Variants in ATP11B observed in about 807,000 individuals in gnomAD.
ATP11B encodes the protein phospholipid-transporting ATPase IF.
Under a neutral mutation model 157.8 loss-of-function variants are expected in ATP11B, and 81 were observed. That is an observed-to-expected ratio of 0.51 (90% CI 0.43 to 0.62). ATP11B has a LOEUF of 0.62. Among genes scored for constraint, ATP11B ranks in the 20% least tolerant of loss-of-function variants. The probability of loss-of-function intolerance (pLI) is 0.00; values close to 1 mark genes in which losing one functional copy is unlikely to be tolerated. For synonymous variants in ATP11B, 451 were observed against 469.4 expected (o/e 0.96, Z 0.51); for missense variants, 1,165 against 1,402.2 (o/e 0.83, Z 2.70).
At chr3:182,809,823 ATTTC>A (rs1365107635) in intron 1 of ATP11B, among the ~76,000 whole-genome samples, 1 of 152,156 alleles carries the variant, frequency 6.6e-6, no homozygotes, top group East Asian at 1.9e-4. Flanking sequence ...TAAATCATGT[ATTTC>A]TTTCATCATC....
chr3:182,838,774 T>A (rs1158894940), intron 7 of ATP11B, among the ~76,000 whole-genome samples: 2 of 149,316 alleles, frequency 1.3e-5, no homozygotes, highest in African/African-American at 5.0e-5. Context: ...AACACATATA[T>A]GTGCTATATA....
Position 182,918,146 on chromosome 3 carries a change from C to T in ATP11B, c.*42C>T, listed in dbSNP as rs775313688. The T allele has an allele frequency of 3.1e-6, 5 of 1,608,918 alleles. No individual in the cohort carries two copies. In the East Asian group the frequency reaches 1.1e-4, roughly 36 times the overall value. ...TGTGGGAGCCAGTTCACCTCCTTTC[C>T]TAAAATTCAGTGTGATCACCCTGTT... On this transcript the variant is annotated 3_prime_UTR_variant, in exon 30 of 30. Coordinates refer to ENST00000323116, the MANE Select transcript of ATP11B (RefSeq NM_014616.3).
At position 182,879,540 on chromosome 3, in the gene ATP11B, G is replaced by A. The variant is rs1289147583; in HGVS notation, c.2297G>A (p.Gly766Glu). 6.2e-7 allele frequency: 1 copy of A among 1,613,270 alleles called. No homozygotes were observed. Among genetic ancestry groups the A allele is most frequent in the Non-Finnish European group, 8.5e-7 (1 of 1,179,676 alleles). ...ATTCAGCATGGGCTGGTAGTGGATG[G>A]GACCAGCCTATCTCTTGCACTCAGG... ...HVIQHGLVVD[G>E]TSLSLALREH... The change falls in exon 20 of 30, where the codon GGG (glycine) becomes GAG (glutamate). Residue 766 changes from glycine to glutamate, a missense_variant. Physicochemically the swap from Gly to Glu is moderately conservative, Grantham distance 98. Around this residue, in one of 4 missense-constraint regions of ATP11B, gnomAD observed 737 missense variants for 930.5 expected, o/e 0.79. Coordinates refer to ENST00000323116, the MANE Select transcript of ATP11B (RefSeq NM_014616.3).
At chr3:182,841,147 C>T (rs953979188) in intron 7 of ATP11B, among the ~76,000 whole-genome samples, 2 of 152,228 alleles carry the variant, frequency 1.3e-5, no homozygotes, top group Non-Finnish European at 2.9e-5. Flanking sequence ...GTAACACCTT[C>T]AAGTCTGCTT....
At chr3:182,917,999 AC>A in intron 29 of ATP11B, 23 bp from the exon 30 acceptor site, 2 of 1,610,996 alleles carry the variant, frequency 1.2e-6, no homozygotes, top group African/African-American at 2.7e-5. Context: ...GGTGAGCCAA[AC>A]TTTTCTCTTA....
intron 8 of ATP11B, chr3:182,844,001 A>G (rs963207470): frequency 7.2e-5 from 11 of 152,214 alleles, no homozygotes; most frequent in African/African-American, 2.7e-4. Flanking sequence ...AAATAGTGAG[A>G]AATGTGTGGA....
chr3:182,833,627 C>T (rs1444767750), intron 4 of ATP11B: 1 of 152,140 alleles, frequency 6.6e-6, no homozygotes, highest in East Asian at 1.9e-4. Flanking sequence ...CCACGCCCAG[C>T]TGATCTTAAT....
chr3:182,856,641 A>C (rs529529580), intron 10 of ATP11B, among the ~76,000 whole-genome samples: 6 of 152,178 alleles, frequency 3.9e-5, no homozygotes, highest in Non-Finnish European at 8.8e-5. Flanking sequence ...CTATAGGTGA[A>C]GTGCTGAATA....
At chr3:182,883,473 G>A (rs1722570372) in intron 21 of ATP11B, among the ~76,000 whole-genome samples, 1 of 151,506 alleles carries the variant, frequency 6.6e-6, no homozygotes, top group East Asian at 2.0e-4. Flanking sequence ...GGCCAGGCTT[G>A]TCTCGAACTC....
intron 21 of ATP11B, among the ~76,000 whole-genome samples, chr3:182,884,301 A>G (rs1041824688): frequency 6.6e-6 from 1 of 152,244 alleles, no homozygotes. Flanking sequence ...ACTTTGACTT[A>G]TTCATGGAAG....
Position 182,841,992 on chromosome 3 carries a change from A to T in ATP11B, c.657-83A>T, listed in dbSNP as rs1345016247. ...AGACTCGTCTCAAAAAAAAAAAAAA[A>T]AAAAACAAAGGATGGTGCAAAAAAA... On this transcript the variant is annotated intron_variant, in intron 7 of 29. Transcript: ENST00000323116. The T allele has an allele frequency of 3.3e-6, 3 of 904,284 alleles. No homozygotes were observed. The African/African-American group carries it at 5.1e-5, about 15-fold the overall frequency. 56.0% of individuals were successfully genotyped at this position (904,284 alleles called of 1,614,324 possible).
chr3:182,833,056 A>G (rs1488911973), intron 4 of ATP11B, among the ~76,000 whole-genome samples: 1 of 152,148 alleles, frequency 6.6e-6, no homozygotes, highest in African/African-American at 2.4e-5. Flanking sequence ...AATATTTAGA[A>G]AAAATAGTTG....
At chr3:182,844,030 T>C (rs1344020050) in intron 8 of ATP11B, 3 of 152,188 alleles carry the variant, frequency 2.0e-5, no homozygotes, top group Non-Finnish European at 4.4e-5. Context: ...CTGAGTTGCA[T>C]TAATATGTAA....
rs140010791 is a variant in ATP11B at position 182,873,993 on chromosome 3, C to G, written c.2230C>G (p.Gln744Glu). 133 of 1,613,936 alleles carry G rather than the reference C, an allele frequency of 8.2e-5. No homozygotes were observed. In the African/African-American group the frequency reaches 1.7e-3, roughly 20 times the overall value. ...GAAATCAGACAGCGAGTGTGCTGAACAATTGAGGCAGCTTGCCAGAAGGTA... is the reference window on the plus strand; with the variant it reads ...GAAATCAGACAGCGAGTGTGCTGAAGAATTGAGGCAGCTTGCCAGAAGGTA... ...NQKSDSECAE[Q>E]LRQLARRITE... is the part of the protein sequence containing the mutation. Residue 744 changes from glutamine (Q) to glutamate (E), a missense_variant, in exon 19 of 30, where the codon CAA (glutamine) becomes GAA (glutamate). Physicochemically the swap from Gln to Glu is conservative, Grantham distance 29. This residue lies in a region of ATP11B where 737 missense variants were observed against 930.5 expected (regional missense o/e 0.79). Coordinates refer to ENST00000323116, the MANE Select transcript of ATP11B (RefSeq NM_014616.3).
At chr3:182,806,780 A>G (rs563080455) in intron 1 of ATP11B, among the ~76,000 whole-genome samples, 11 of 152,224 alleles carry the variant, frequency 7.2e-5, no homozygotes, top group Non-Finnish European at 1.6e-4. Flanking sequence ...GGAGATCTTA[A>G]ACATACTTAT....
intron 25 of ATP11B, among the ~76,000 whole-genome samples, chr3:182,891,770 T>C (rs1577085878): frequency 6.6e-6 from 1 of 152,192 alleles, no homozygotes; most frequent in Non-Finnish European, 1.5e-5. Flanking sequence ...ATACTAGGTA[T>C]AGTAGCAAAG....
intron 23 of ATP11B, 134 bp from the exon 24 acceptor site, chr3:182,887,452 A>G: frequency 1.6e-6 from 1 of 609,296 alleles, no homozygotes; most frequent in South Asian, 2.7e-5. Flanking sequence ...GAATTATTTA[A>G]TTGGAGTTAC....
At position 182,919,800 on chromosome 3, in the gene ATP11B, ATTAAG is replaced by A. The variant is rs1725354405; in HGVS notation, c.*1700_*1704del. ...TTGTCTGTTCCAGTGATGTAAGGAT[ATTAAG>A]TTATTAAGCTAAATATTAATTTTCA... On this transcript the variant is annotated 3_prime_UTR_variant, in exon 30 of 30. Coordinates refer to ENST00000323116, the MANE Select transcript of ATP11B (RefSeq NM_014616.3). 1 of 152,212 alleles carries A rather than the reference ATTAAG, an allele frequency of 6.6e-6. No homozygotes were observed. The highest frequency in any genetic ancestry group is 2.4e-5 in the African/African-American group (1 of 41,462). 9.4% of individuals were successfully genotyped at this position (152,212 alleles called of 1,614,324 possible).
intron 28 of ATP11B, among the ~76,000 whole-genome samples, chr3:182,908,833 TAAAAAG>T (rs564158349): frequency 7.6e-4 from 115 of 152,308 alleles, no homozygotes; most frequent in African/African-American, 2.6e-3. Context: ...GATTTTACAT[TAAAAAG>T]AAAAACATTT....
Sources: gnomAD v4.1 joint callset for allele counts (sites outside exome capture counted in the v4.1 genomes callset) on GRCh38, gnomAD v4.1.1 for gene constraint, gnomAD v4.1.1 regional missense constraint, MANE v1.5 for transcripts, NCBI Gene and HGNC (gene_info 2026-07-23, HGNC 2026-07-21) for gene names.